Variants in CGNL1 observed in about 807,000 individuals in gnomAD.
CGNL1 encodes cingulin like 1.
Under a neutral mutation model 141.2 loss-of-function variants are expected in CGNL1, and 132 were observed. The observed-to-expected ratio is 0.93, with a 90% CI of 0.81 to 1.08. The LOEUF is 1.08. Ranked by LOEUF, CGNL1 falls within the 50% of genes least tolerant of loss-of-function variation. CGNL1 has a pLI of 0.00. For synonymous variants in CGNL1, 690 were observed against 622.1 expected (o/e 1.11, Z -1.63); for missense variants, 1,870 against 1,588.6 (o/e 1.18, Z -3.01).
chr15:57,470,256 C>CTCTCTTTT (rs758575367), intron 8 of CGNL1, among the ~76,000 whole-genome samples: 5 of 113,996 alleles, frequency 4.4e-5, no homozygotes, highest in African/African-American at 1.7e-4. Flanking sequence ...TTTTGTCTCT[C>CTCTCTTTT]TTTTTTTTTT....
chr15:57,437,143 C>G (rs1476071554), intron 1 of CGNL1, among the ~76,000 whole-genome samples: 3 of 152,192 alleles, frequency 2.0e-5, no homozygotes, highest in African/African-American at 4.8e-5. Flanking sequence ...GGTGAGCTCT[C>G]TGCAGTCATC....
intron 1 of CGNL1, among the ~76,000 whole-genome samples, chr15:57,428,874 T>C (rs1429871669): frequency 6.6e-6 from 1 of 151,776 alleles, no homozygotes. Context: ...AATACAAAAA[T>C]TAGCTGGGTG....
chr15:57,512,600 C>T (rs1407144708), intron 8 of CGNL1, among the ~76,000 whole-genome samples: 2 of 152,128 alleles, frequency 1.3e-5, no homozygotes, highest in Non-Finnish European at 2.9e-5. Flanking sequence ...GGAATAAATC[C>T]CTGCCAGCCA....
intron 8 of CGNL1, among the ~76,000 whole-genome samples, chr15:57,496,335 C>T (rs1479562443): frequency 6.6e-6 from 1 of 152,078 alleles, no homozygotes; most frequent in South Asian, 2.1e-4. Context: ...TCTAGGGGTC[C>T]CCAGCCCTCA....
intron 13 of CGNL1, among the ~76,000 whole-genome samples, chr15:57,529,409 A>G (rs1465508763): frequency 6.6e-6 from 1 of 152,216 alleles, no homozygotes; most frequent in Admixed American, 6.5e-5. Flanking sequence ...TCTAGTCACA[A>G]GCTGAAAACA....
chr15:57,379,432 G>T (rs1620223), intron 1 of CGNL1, among the ~76,000 whole-genome samples: 150,744 of 152,318 alleles, frequency 0.99, 74,620 homozygotes, highest in Middle Eastern at 1. Flanking sequence ...AAAAGGCCTT[G>T]GGTTTGTGTT....
In CGNL1 at chr15:57,482,783, T is replaced by C. The variant is rs910616674; in HGVS notation, c.2403+20891T>C. On this transcript the variant is annotated intron_variant, in intron 8 of 18. Transcript: ENST00000281282. ...TAGTTACTTTACCTTTTCTTTTCTTTTCTCTCTTTTTTTTTTTTGAGATGG... is the reference window on the plus strand; with the variant it reads ...TAGTTACTTTACCTTTTCTTTTCTTCTCTCTCTTTTTTTTTTTTGAGATGG... 6.0e-5 allele frequency among the ~76,000 whole-genome samples: 9 copies of C among 151,130 alleles called. No homozygotes were observed. The South Asian group carries it at 6.3e-4, about 11-fold the overall frequency.
Position 57,483,069 on chromosome 15 carries a change from G to A in CGNL1, c.2403+21177G>A, listed in dbSNP as rs542029133. On this transcript the variant is annotated intron_variant, in intron 8 of 18. Transcript: ENST00000281282. ...CCTAAAGTGCTGGGATTATAGGAGT[G>A]AGCCACTGCGCCTGGCCTACCTTTT... 2.0e-5 allele frequency among the ~76,000 whole-genome samples: 3 copies of A among 152,346 alleles called. No homozygotes were observed. The East Asian group carries it at 5.8e-4, about 29-fold the overall frequency.
chr15:57,427,548 G>C (rs1199752546), intron 1 of CGNL1, among the ~76,000 whole-genome samples: 1 of 152,216 alleles, frequency 6.6e-6, no homozygotes, highest in Non-Finnish European at 1.5e-5. Context: ...ATTTGCTCAT[G>C]ATGCACATTC....
At chr15:57,422,109 A>AAAACAG (rs1281396662) in intron 1 of CGNL1, among the ~76,000 whole-genome samples, 3 of 78 alleles carry the variant, frequency 0.038, no homozygotes, top group Non-Finnish European at 0.067. Flanking sequence ...ATGGGTGATT[A>AAAACAG]AAACAAAAAC....
intron 1 of CGNL1, among the ~76,000 whole-genome samples, chr15:57,415,243 A>G (rs2062836170): frequency 6.6e-6 from 1 of 152,252 alleles, no homozygotes; most frequent in Non-Finnish European, 1.5e-5. Flanking sequence ...GGAATCTGTG[A>G]CTATGCCATC....
intron 3 of CGNL1, among the ~76,000 whole-genome samples, chr15:57,442,166 A>T (rs1337949087): frequency 8.2e-6 from 1 of 122,144 alleles, no homozygotes; most frequent in Non-Finnish European, 1.7e-5. Context: ...ATTGAGTGGT[A>T]ACACATCATT....
At chr15:57,466,773 CT>C in intron 8 of CGNL1, among the ~76,000 whole-genome samples, 1 of 152,144 alleles carries the variant, frequency 6.6e-6, no homozygotes, top group Admixed American at 6.5e-5. Context: ...CAAATTACTT[CT>C]CATGAAAATG....
intron 14 of CGNL1, among the ~76,000 whole-genome samples, chr15:57,535,870 T>C (rs1036619336): frequency 3.3e-5 from 5 of 152,164 alleles, no homozygotes; most frequent in Admixed American, 6.5e-5. Context: ...CTGTGTAAGA[T>C]GGTGTATTTG....
intron 14 of CGNL1, among the ~76,000 whole-genome samples, chr15:57,543,379 C>T (rs148747670): frequency 5.1e-4 from 78 of 152,286 alleles, no homozygotes; most frequent in African/African-American, 1.8e-3. Context: ...AAGTCCCCAT[C>T]TCCAAATAAG....
At chr15:57,394,561 C>T (rs1461460952) in intron 1 of CGNL1, among the ~76,000 whole-genome samples, 2 of 152,122 alleles carry the variant, frequency 1.3e-5, no homozygotes, top group Non-Finnish European at 2.9e-5. Flanking sequence ...TTTGCTATTT[C>T]TTATTTAAAG....
chr15:57,476,587 TGATTA>T (rs2063660335), intron 8 of CGNL1, among the ~76,000 whole-genome samples: 1 of 152,020 alleles, frequency 6.6e-6, no homozygotes, highest in African/African-American at 2.4e-5. Flanking sequence ...GCCTCTGAAG[TGATTA>T]GATGTGGTTT....
intron 8 of CGNL1, among the ~76,000 whole-genome samples, chr15:57,482,536 T>C (rs115991818): frequency 1.8e-4 from 27 of 152,348 alleles, no homozygotes; most frequent in African/African-American, 6.3e-4. Flanking sequence ...CGCCATTTGT[T>C]GAGAGGGTTA....
intron 1 of CGNL1, among the ~76,000 whole-genome samples, chr15:57,409,687 G>A (rs2062764370): frequency 6.6e-6 from 1 of 152,154 alleles, no homozygotes; most frequent in African/African-American, 2.4e-5. Flanking sequence ...GTTGACTGAT[G>A]CCATGTTCCA....
Sources: allele counts gnomAD v4.1 joint callset (sites outside exome capture counted in the v4.1 genomes callset), GRCh38; gene constraint gnomAD v4.1.1; transcripts MANE v1.5; gene names NCBI Gene and HGNC (gene_info 2026-07-23, HGNC 2026-07-21).